The following KLHL4 variants were observed in gnomAD, a reference collection of about 807,000 sequenced individuals.
KLHL4 encodes the protein kelch-like protein 4.
Under a neutral mutation model 45.8 loss-of-function variants are expected in KLHL4, and 17 were observed. The observed-to-expected ratio is 0.37, with a 90% CI of 0.25 to 0.56. The LOEUF is 0.56. Ranked by LOEUF, KLHL4 falls within the 20% of genes least tolerant of loss-of-function variation. KLHL4 has a pLI of 0.79. For synonymous variants in KLHL4, 224 were observed against 189.9 expected, an observed-to-expected ratio of 1.18 and a Z score of -1.47; for missense variants, 544 against 544.9, an observed-to-expected ratio of 1.00 and a Z score of 0.02.
intron 1 of KLHL4, among the ~76,000 whole-genome samples, chrX:87,538,783 T>G (rs1249714957): frequency 9.0e-6 from 1 of 111,405 alleles, no homozygotes; most frequent in Non-Finnish European, 1.9e-5. Flanking sequence ...TTCCTTCTCT[T>G]AAACTTCAGG....
intron 1 of KLHL4, among the ~76,000 whole-genome samples, chrX:87,575,369 G>A (rs1476904436): frequency 1.8e-5 from 2 of 111,465 alleles, no homozygotes; most frequent in Non-Finnish European, 3.8e-5. Flanking sequence ...TCCAATTAAT[G>A]CCTGATGATC....
chrX:87,541,998 G>T (rs6652236), intron 1 of KLHL4, among the ~76,000 whole-genome samples: 1 of 112,123 alleles, frequency 8.9e-6, no homozygotes, highest in African/African-American at 3.2e-5. Flanking sequence ...CTGTGCTTTA[G>T]CAAAGAAACT....
At chrX:87,534,914 C>G (rs1009245113) in intron 1 of KLHL4, among the ~76,000 whole-genome samples, 1 of 111,856 alleles carries the variant, frequency 8.9e-6, no homozygotes, top group South Asian at 3.7e-4. Context: ...TAAATAATCA[C>G]CTTTCAGAAG....
intron 1 of KLHL4, among the ~76,000 whole-genome samples, chrX:87,556,708 C>G (rs1292878024): frequency 1.8e-5 from 2 of 109,067 alleles, no homozygotes; most frequent in Admixed American, 2.0e-4. Flanking sequence ...CAAAACAAAA[C>G]AAAACAAAAC....
chrX:87,605,747 A>G (rs758841967), intron 1 of KLHL4, among the ~76,000 whole-genome samples: 3 of 111,291 alleles, frequency 2.7e-5, no homozygotes, highest in African/African-American at 9.8e-5. Flanking sequence ...TGGTCTGGCT[A>G]GGTCTTCCAG....
chrX:87,568,307 T>C (rs1932257391), intron 1 of KLHL4, among the ~76,000 whole-genome samples: 1 of 109,452 alleles, frequency 9.1e-6, no homozygotes, highest in South Asian at 3.9e-4. Flanking sequence ...TTTTAAATGG[T>C]AATACTCCCC....
chrX:87,523,096 A>T (rs902627525), intron 1 of KLHL4, among the ~76,000 whole-genome samples: 10 of 111,833 alleles, frequency 8.9e-5, no homozygotes, highest in Non-Finnish European at 1.7e-4. Context: ...TTCAAAATGC[A>T]TTGTATTATA....
At chrX:87,608,919 C>A (rs936494131) in intron 1 of KLHL4, among the ~76,000 whole-genome samples, 2 of 110,173 alleles carry the variant, frequency 1.8e-5, no homozygotes, top group Non-Finnish European at 3.8e-5. Flanking sequence ...CTGCTCCCCC[C>A]ACCCCACAAC....
Position 87,522,113 on chromosome X carries a change from C to T in KLHL4, c.422+3798C>T, listed in dbSNP as rs997422327. Among the ~76,000 whole-genome samples the T allele has an allele frequency of 3.6e-5, 4 of 112,281 alleles. No homozygotes were observed. In the East Asian group the frequency reaches 1.1e-3, roughly 32 times the overall value. The stretch of plus-strand genomic sequence containing the variant: ...TTATGAAATATGCTAGGGAAATACT[C>T]ATGCATAAGAGAAATTGTAAGTCTA... On this transcript the variant is annotated intron_variant, in intron 1 of 10. Transcript: ENST00000373119.
chrX:87,568,383 CTTTTTTTCT>C (rs1932262793), intron 1 of KLHL4, among the ~76,000 whole-genome samples: 1 of 59,250 alleles, frequency 1.7e-5, no homozygotes, highest in African/African-American at 6.5e-5. Flanking sequence ...TTTTTCTTTT[CTTTTTTTCT>C]TTTTTTTTTT....
At chrX:87,655,880 A>G (rs1286809484) in intron 9 of KLHL4, among the ~76,000 whole-genome samples, 4 of 111,928 alleles carry the variant, frequency 3.6e-5, no homozygotes, top group Non-Finnish European at 7.5e-5. Flanking sequence ...AGTTTGGTCT[A>G]GTGGTGACAG....
rs779576516 is a variant in KLHL4 at position 87,590,249 on chromosome X, A to AT, written c.423-23627dup. Among the ~76,000 whole-genome samples, 20 of 110,541 alleles carry AT rather than the reference A, an allele frequency of 1.8e-4. No homozygotes were observed. In the East Asian group the frequency reaches 4.8e-3, roughly 27 times the overall value. On this transcript the variant is annotated intron_variant, in intron 1 of 10. Coordinates refer to ENST00000373119, the MANE Select transcript of KLHL4 (RefSeq NM_019117.5). The stretch of plus-strand genomic sequence containing the variant: ...TGTAGCAAAATATCTCATGTACCCC[A>AT]TAAATATATACACCTACTATGTACC...
At chrX:87,660,271 G>A (rs1238763616) in intron 9 of KLHL4, among the ~76,000 whole-genome samples, 1 of 111,284 alleles carries the variant, frequency 9.0e-6, no homozygotes, top group Non-Finnish European at 1.9e-5. Context: ...ATCCATAATT[G>A]TATTCAACAA....
In KLHL4 at chrX:87,550,438, T is replaced by C. The variant is rs144924862; in HGVS notation, c.422+32123T>C. Among the ~76,000 whole-genome samples, 819 of 110,943 alleles carry C rather than the reference T, an allele frequency of 7.4e-3. 6 individuals are homozygous for C. Among genetic ancestry groups the C allele is most frequent in the African/African-American group, 0.025 (778 of 30,617 alleles). ...ATTTTACCAGACATTCAAAGAAGAA[T>C]CAGTACCAGTCATTTTGACACTATT... On this transcript the variant is annotated intron_variant, in intron 1 of 10. Transcript: ENST00000373119.
intron 1 of KLHL4, among the ~76,000 whole-genome samples, chrX:87,612,029 T>G (rs1213461850): frequency 8.9e-6 from 1 of 112,166 alleles, no homozygotes; most frequent in East Asian, 2.8e-4. Context: ...TGTGGTTAAG[T>G]GTTATTTAAA....
chrX:87,550,839 A>C (rs980500045), intron 1 of KLHL4, among the ~76,000 whole-genome samples: 4 of 111,455 alleles, frequency 3.6e-5, no homozygotes, highest in African/African-American at 1.3e-4. Context: ...TAAAATTGGC[A>C]TACAAGGGAC....
intron 9 of KLHL4, among the ~76,000 whole-genome samples, chrX:87,646,171 A>T (rs994673481): frequency 9.0e-6 from 1 of 111,707 alleles, no homozygotes; most frequent in African/African-American, 3.3e-5. Flanking sequence ...ACAAAAACTT[A>T]GGAATACACT....
intron 1 of KLHL4, among the ~76,000 whole-genome samples, chrX:87,578,484 A>T (rs943728434): frequency 8.9e-6 from 1 of 111,974 alleles, no homozygotes; most frequent in Admixed American, 9.5e-5. Flanking sequence ...CCCCACAGAA[A>T]CACTGATTTA....
chrX:87,606,968 G>C (rs1441539977), intron 1 of KLHL4, among the ~76,000 whole-genome samples: 1 of 111,935 alleles, frequency 8.9e-6, no homozygotes, highest in Non-Finnish European at 1.9e-5. Flanking sequence ...TATTGGCTTA[G>C]TTGGCAAATA....
Sources: allele counts gnomAD v4.1 joint callset (sites outside exome capture counted in the v4.1 genomes callset), GRCh38; gene constraint gnomAD v4.1.1; transcripts MANE v1.5; gene names NCBI Gene and HGNC (gene_info 2026-07-23, HGNC 2026-07-21).